Variants in DLGAP2 observed in about 807,000 individuals in gnomAD.
DLGAP2 encodes the protein DLG associated protein 2.
DLGAP2 carries 26 observed loss-of-function variants against 100.3 expected under a neutral mutation model. That is an observed-to-expected ratio of 0.26 (90% CI 0.19 to 0.36). The LOEUF is 0.36. Ranked by LOEUF, DLGAP2 falls within the 10% of genes least tolerant of loss-of-function variation. DLGAP2 has a pLI of 1.00. For missense variants in DLGAP2, 1,858 were observed against 1,453.2 expected, an observed-to-expected ratio of 1.28 and a Z score of -4.53; for synonymous variants, 886 against 630.1, an observed-to-expected ratio of 1.41 and a Z score of -6.08.
intron 2 of DLGAP2, chr8:1,002,691 G>C (rs186820569): frequency 2.2e-4 from 33 of 152,404 alleles, no homozygotes; most frequent in African/African-American, 7.5e-4. Context: ...TTCTGAAAGG[G>C]ACAAGATAGA....
At chr8:848,844 A>T (rs982433626) in intron 1 of DLGAP2, among the ~76,000 whole-genome samples, 30 of 118,390 alleles carry the variant, frequency 2.5e-4, no homozygotes, top group African/African-American at 9.6e-4. Context: ...GGATCTTGTG[A>T]TGTGTGTTCC....
intron 2 of DLGAP2, among the ~76,000 whole-genome samples, chr8:1,005,683 G>A (rs1464330687): frequency 2.0e-5 from 3 of 151,740 alleles, no homozygotes; most frequent in Non-Finnish European, 4.4e-5. Context: ...GACTCCCAAA[G>A]TGCTGGTATT....
chr8:1,539,627 G>T (rs1037424165), intron 4 of DLGAP2, among the ~76,000 whole-genome samples: 1 of 151,200 alleles, frequency 6.6e-6, no homozygotes, highest in Non-Finnish European at 1.5e-5. Context: ...CCTGTTTGAA[G>T]GATGCCCGCC....
chr8:1,072,572 C>G (rs2600489), intron 2 of DLGAP2, among the ~76,000 whole-genome samples: 3,496 of 152,262 alleles, frequency 0.023, 125 homozygotes, highest in African/African-American at 0.08. Context: ...TGCGGCCTGG[C>G]TTGTGGCTGT....
intron 5 of DLGAP2, among the ~76,000 whole-genome samples, chr8:1,550,339 A>C (rs1801720883): frequency 6.6e-6 from 1 of 152,190 alleles, no homozygotes; most frequent in African/African-American, 2.4e-5. Flanking sequence ...ATCTACGGGC[A>C]GCTCTCATGC....
At chr8:1,587,619 C>T (rs957987314) in intron 6 of DLGAP2, among the ~76,000 whole-genome samples, 5 of 151,990 alleles carry the variant, frequency 3.3e-5, no homozygotes, top group African/African-American at 1.2e-4. Flanking sequence ...GCAATTTTGA[C>T]TTTGATTTCC....
intron 6 of DLGAP2, among the ~76,000 whole-genome samples, chr8:1,606,008 C>G (rs774143137): frequency 1.3e-5 from 2 of 152,206 alleles, no homozygotes; most frequent in Admixed American, 6.5e-5. Flanking sequence ...CGCAGAGAAT[C>G]ATAACCAGCA....
chr8:750,725 C>T (rs1820768179), intron 1 of DLGAP2, among the ~76,000 whole-genome samples: 1 of 152,246 alleles, frequency 6.6e-6, no homozygotes, highest in Admixed American at 6.5e-5. Context: ...CCATGCAGCC[C>T]CCACGGCTCG....
chr8:1,423,395 G>C (rs1563137887), intron 3 of DLGAP2, among the ~76,000 whole-genome samples: 1 of 152,164 alleles, frequency 6.6e-6, no homozygotes, highest in Non-Finnish European at 1.5e-5. Context: ...GTCTGGACTG[G>C]AGTTTGCATT....
At chr8:1,303,263 G>C (rs1274243686) in intron 3 of DLGAP2, among the ~76,000 whole-genome samples, 1 of 152,156 alleles carries the variant, frequency 6.6e-6, no homozygotes, top group Non-Finnish European at 1.5e-5. Flanking sequence ...CGGGCGTGGT[G>C]GCGGGCGCCT....
At chr8:1,476,929 A>G (rs1437311749) in intron 3 of DLGAP2, among the ~76,000 whole-genome samples, 3 of 151,186 alleles carry the variant, frequency 2.0e-5, no homozygotes, top group Non-Finnish European at 1.5e-5. Flanking sequence ...GAGTGCTGTC[A>G]GCCACCCACC....
intron 4 of DLGAP2, among the ~76,000 whole-genome samples, chr8:1,534,411 A>G (rs1801084214): frequency 6.6e-6 from 1 of 152,230 alleles, no homozygotes; most frequent in South Asian, 2.1e-4. Context: ...TTTTAAAGCT[A>G]CTTATTTTGC....
At chr8:989,523 T>C (rs1800593110) in intron 2 of DLGAP2, among the ~76,000 whole-genome samples, 1 of 152,192 alleles carries the variant, frequency 6.6e-6, no homozygotes, top group Non-Finnish European at 1.5e-5. Flanking sequence ...GCAAAGGCTT[T>C]GGTACCAACT....
intron 3 of DLGAP2, among the ~76,000 whole-genome samples, chr8:1,442,697 C>A (rs1797872214): frequency 6.7e-6 from 1 of 149,132 alleles, no homozygotes; most frequent in Non-Finnish European, 1.5e-5. Context: ...TGGGTTCATC[C>A]ACTGGAGGAG....
intron 3 of DLGAP2, among the ~76,000 whole-genome samples, chr8:1,443,757 C>T (rs1797905021): frequency 6.6e-6 from 1 of 152,008 alleles, no homozygotes; most frequent in Non-Finnish European, 1.5e-5. Context: ...GGGAAACTGC[C>T]CTCGTGATTC....
chr8:1,233,401 G>A (rs961155469), intron 2 of DLGAP2, among the ~76,000 whole-genome samples: 2 of 152,222 alleles, frequency 1.3e-5, no homozygotes, highest in Admixed American at 1.3e-4. Context: ...CCTCCTGGGA[G>A]CAAGGGCGTG....
intron 3 of DLGAP2, among the ~76,000 whole-genome samples, chr8:1,415,952 T>C (rs1796871810): frequency 1.3e-5 from 2 of 152,222 alleles, no homozygotes; most frequent in African/African-American, 4.8e-5. Flanking sequence ...GGTCATTTCA[T>C]GACTAAAAGA....
At chr8:1,072,065 CTTT>C (rs1251437283) in intron 2 of DLGAP2, among the ~76,000 whole-genome samples, 3 of 152,306 alleles carry the variant, frequency 2.0e-5, no homozygotes, top group Admixed American at 2.0e-4. Flanking sequence ...AGTGGATGAT[CTTT>C]GGCTCCGTCC....
At chr8:1,266,070 T>G (rs1799444514) in intron 3 of DLGAP2, among the ~76,000 whole-genome samples, 1 of 152,210 alleles carries the variant, frequency 6.6e-6, no homozygotes, top group Admixed American at 6.5e-5. Context: ...GGGGACACCC[T>G]TGTCTGAGGA....
Sources: allele counts gnomAD v4.1 joint callset (sites outside exome capture counted in the v4.1 genomes callset), GRCh38; gene constraint gnomAD v4.1.1; transcripts MANE v1.5; gene names NCBI Gene and HGNC (gene_info 2026-07-23, HGNC 2026-07-21).